The following RANBP2 variants were observed in gnomAD, a reference collection of about 807,000 sequenced individuals.
The protein encoded by RANBP2 is RAN binding protein 2, also known as E3 SUMO-protein ligase RanBP2.
Under a neutral mutation model 303.6 loss-of-function variants are expected in RANBP2, and 57 were observed. The ratio of observed to expected loss-of-function variants is 0.19; its 90% CI spans 0.15 to 0.23. The LOEUF is 0.23. Among genes scored for constraint, RANBP2 ranks in the 10% least tolerant of loss-of-function variants. The probability of loss-of-function intolerance (pLI) is 1.00; values close to 1 mark genes in which losing one functional copy is unlikely to be tolerated. For missense variants in RANBP2, 3,138 were observed against 3,780.8 expected (o/e 0.83, Z 4.46); for synonymous variants, 1,167 against 1,301.5 (o/e 0.90, Z 2.23).
Position 108,764,424 on chromosome 2 carries a change from A to G in RANBP2, c.3885A>G (p.Lys1295=). The G allele has an allele frequency of 2.5e-6, 4 of 1,614,054 alleles. No individual in the cohort carries two copies. Residue 1295 remains lysine (K), a synonymous_variant, in exon 20 of 29, where the codon AAA becomes AAG. Coordinates refer to ENST00000283195, the MANE Select transcript of RANBP2 (RefSeq NM_006267.5). ...FKTPEEAALF[K]CKFEEAQSIL... ...CTCCTGAGGAAGCAGCACTTTTTAA[A>G]TGCAAGTTTGAAGAAGCCCAGAGCA...
the RANBP2 span, chr2:109,419,463 G>C: frequency 7.0e-7 from 1 of 1,437,330 alleles, no homozygotes; most frequent in African/African-American, 1.4e-5. Context: ...TGTGGATGCA[G>C]CCTCATTTTG....
the RANBP2 span, among the ~76,000 whole-genome samples, chr2:109,774,511 TATA>T: frequency 2.5e-5 from 2 of 79,620 alleles, no homozygotes; most frequent in African/African-American, 1.4e-4. Context: ...TATATATATA[TATA>T]ATATATATTA....
the RANBP2 span, among the ~76,000 whole-genome samples, chr2:109,577,540 C>T: frequency 7.0e-4 from 105 of 150,832 alleles, 1 homozygote; most frequent in African/African-American, 2.4e-3. Flanking sequence ...TGCAGTGAGC[C>T]GAGATCGCGC....
the RANBP2 span, chr2:108,816,021 A>C: frequency 6.2e-7 from 1 of 1,613,916 alleles, no homozygotes; most frequent in Non-Finnish European, 8.5e-7. Context: ...GCAAAGTGAA[A>C]CATGAAGAAT....
At chr2:108,824,896 T>C in the RANBP2 span, among the ~76,000 whole-genome samples, 1 of 152,212 alleles carries the variant, frequency 6.6e-6, no homozygotes, top group African/African-American at 2.4e-5. Context: ...AGCATTGTTA[T>C]ATGTGGTCAG....
the RANBP2 span, among the ~76,000 whole-genome samples, chr2:109,612,281 C>T: frequency 6.6e-6 from 1 of 152,020 alleles, no homozygotes; most frequent in Non-Finnish European, 1.5e-5. Flanking sequence ...AAACGAATCA[C>T]TGATTGTCTG....
chr2:109,135,985 C>G, the RANBP2 span, among the ~76,000 whole-genome samples: 2 of 152,218 alleles, frequency 1.3e-5, no homozygotes, highest in Admixed American at 6.5e-5. Context: ...GAGCCCACCT[C>G]CGTCATCCGT....
chr2:108,854,487 C>T, the RANBP2 span, among the ~76,000 whole-genome samples: 1 of 152,090 alleles, frequency 6.6e-6, no homozygotes, highest in Non-Finnish European at 1.5e-5. Context: ...TCTTTAGCTA[C>T]TATTGTTATC....
At chr2:109,585,727 A>C in the RANBP2 span, 4 of 1,610,666 alleles carry the variant, frequency 2.5e-6, no homozygotes, top group Admixed American at 6.7e-5. Flanking sequence ...GTACCCACAC[A>C]GAGAATATTA....
chr2:108,774,073 A>G (rs1677703471), intron 23 of RANBP2, among the ~76,000 whole-genome samples: 1 of 152,240 alleles, frequency 6.6e-6, no homozygotes, highest in Non-Finnish European at 1.5e-5. Context: ...CTTTTTGTCA[A>G]AAATTTTTAA....
chr2:109,577,801 T>C, the RANBP2 span, among the ~76,000 whole-genome samples: 125 of 147,138 alleles, frequency 8.5e-4, no homozygotes, highest in African/African-American at 3.1e-3. Context: ...CAGTACCAGC[T>C]ACACAGGAGG....
At chr2:109,426,313 G>T in the RANBP2 span, among the ~76,000 whole-genome samples, 1 of 152,206 alleles carries the variant, frequency 6.6e-6, no homozygotes, top group South Asian at 2.1e-4. Flanking sequence ...CCATTCTAGG[G>T]CCATTATGAA....
chr2:109,555,309 T>C, the RANBP2 span, among the ~76,000 whole-genome samples: 1 of 152,226 alleles, frequency 6.6e-6, no homozygotes, highest in African/African-American at 2.4e-5. Flanking sequence ...TCCTCAGGTT[T>C]CAGCCACACC....
chr2:109,036,802 G>A, the RANBP2 span, among the ~76,000 whole-genome samples: 420 of 152,148 alleles, frequency 2.8e-3, 12 homozygotes, highest in South Asian at 0.039. Context: ...GAGCCCAGAA[G>A]TTCAAAACTA....
At chr2:109,587,924 A>G in the RANBP2 span, among the ~76,000 whole-genome samples, 1 of 151,610 alleles carries the variant, frequency 6.6e-6, no homozygotes, top group South Asian at 2.1e-4. Flanking sequence ...AAAAAAAAAA[A>G]CAAAAACAAA....
chr2:109,207,595 A>G, the RANBP2 span, among the ~76,000 whole-genome samples: 1 of 152,208 alleles, frequency 6.6e-6, no homozygotes, highest in Non-Finnish European at 1.5e-5. Context: ...GAAATTGTGG[A>G]AAATAAAGAT....
the RANBP2 span, among the ~76,000 whole-genome samples, chr2:108,913,866 C>T: frequency 3.4e-5 from 5 of 146,802 alleles, no homozygotes; most frequent in South Asian, 2.2e-4. Flanking sequence ...AGGAGAATGG[C>T]GTGAACCCAG....
chr2:109,640,740 C>A, the RANBP2 span, among the ~76,000 whole-genome samples: 1 of 152,176 alleles, frequency 6.6e-6, no homozygotes, highest in South Asian at 2.1e-4. Flanking sequence ...TGGGCTCTGT[C>A]TTCCTTCTGT....
At chr2:109,024,684 A>G in the RANBP2 span, among the ~76,000 whole-genome samples, 1 of 152,164 alleles carries the variant, frequency 6.6e-6, no homozygotes, top group African/African-American at 2.4e-5. Context: ...GGTGATAGGT[A>G]GTGGGAGGCT....
Sources: allele counts gnomAD v4.1 joint callset (sites outside exome capture counted in the v4.1 genomes callset), GRCh38; gene constraint gnomAD v4.1.1; transcripts MANE v1.5; gene names NCBI Gene and HGNC (gene_info 2026-07-23, HGNC 2026-07-21).